MAP4K4: variants seen among roughly 807,000 people sequenced by gnomAD.
MAP4K4 encodes mitogen-activated protein kinase kinase kinase kinase 4.
A neutral mutation model predicts 189.6 loss-of-function variants in MAP4K4; 38 were observed. The ratio of observed to expected loss-of-function variants is 0.20; its 90% CI spans 0.15 to 0.26. The LOEUF (loss-of-function observed/expected upper bound fraction) is 0.26, where lower values mean the gene tolerates loss of function less well. Ranked by LOEUF, MAP4K4 falls within the 10% of genes least tolerant of loss-of-function variation. The pLI is 1.00. For missense variants in MAP4K4, 1,054 were observed against 1,726.9 expected (o/e 0.61, Z 6.91); for synonymous variants, 610 against 624.3 (o/e 0.98, Z 0.34).
chr2:101,771,174 T>G (rs1397060494), intron 2 of MAP4K4, among the ~76,000 whole-genome samples: 1 of 152,178 alleles, frequency 6.6e-6, no homozygotes, highest in East Asian at 1.9e-4. Flanking sequence ...GTCCTAAGGT[T>G]GGGGGATGGT....
At chr2:101,880,975 T>G (rs1291163426) in intron 27 of MAP4K4, among the ~76,000 whole-genome samples, 2 of 152,232 alleles carry the variant, frequency 1.3e-5, no homozygotes, top group East Asian at 3.9e-4. Flanking sequence ...GTGTTGGGTC[T>G]TTTGCCTCTA....
In MAP4K4 at chr2:101,848,835, C is replaced by T. The variant is rs139924316; in HGVS notation, c.1233+4524C>T. 9.1e-3 allele frequency among the ~76,000 whole-genome samples: 1,385 copies of T among 152,242 alleles called. 28 individuals are homozygous for T. Among genetic ancestry groups the T allele is most frequent in the African/African-American group, 0.032 (1,317 of 41,532 alleles). The stretch of plus-strand genomic sequence containing the variant: ...TGTGAACTGGATCTTCTTTGGAAGT[C>T]CTTGCAACTCTTTTGGAGTTTGTCT... On this transcript the variant is annotated intron_variant, in intron 12 of 32. Transcript: ENST00000324219.
rs898813949 is a variant in MAP4K4 at position 101,835,998 on chromosome 2, T to C, written c.773+20T>C. 5.1e-6 allele frequency: 8 copies of C among 1,572,322 alleles called. No individual in the cohort carries two copies. The highest frequency in any genetic ancestry group is 7.0e-6 in the Non-Finnish European group (8 of 1,143,104). ...AAAATGGTAAGCTATATATGGTTTTTTGTTGTTCTTTTCCCTTTTTTTTAA... is the reference window on the plus strand; with the variant it reads ...AAAATGGTAAGCTATATATGGTTTTCTGTTGTTCTTTTCCCTTTTTTTTAA... On this transcript the variant is annotated intron_variant, in intron 9 of 32. Coordinates refer to ENST00000324219, the Ensembl canonical transcript of MAP4K4.
At chr2:101,854,055 A>AG (rs1453039260) in intron 12 of MAP4K4, among the ~76,000 whole-genome samples, 13 of 152,208 alleles carry the variant, frequency 8.5e-5, no homozygotes, top group Non-Finnish European at 1.3e-4. Flanking sequence ...AAGCTGCTGG[A>AG]GGATGTGTTC....
At chr2:101,887,147 G>C in exon 30 of MAP4K4, 1 of 1,608,466 alleles carries the variant, frequency 6.2e-7, no homozygotes, top group Non-Finnish European at 8.5e-7. Flanking sequence ...AGGAAGGCCA[G>C]AGGTTGAAAG....
At chr2:101,870,648 C>G (rs1577125272) in intron 23 of MAP4K4, 2 of 510,004 alleles carry the variant, frequency 3.9e-6, no homozygotes, top group Non-Finnish European at 3.5e-6. Flanking sequence ...TCTGCGGCAG[C>G]CCTCATTCAA....
rs2098043912 is a variant in MAP4K4, at chr2:101,872,037, A to G, written c.2952+352A>G. 2.6e-5 allele frequency among the ~76,000 whole-genome samples: 4 copies of G among 152,220 alleles called. No individual in the cohort carries two copies. The South Asian group carries it at 8.3e-4, about 31-fold the overall frequency. On this transcript the variant is annotated intron_variant, in intron 24 of 32. Transcript: ENST00000324219. ...TGAAATTCTTATAGTCATTTGTGGA[A>G]TCTGCCTTTTTCATTCTTTTTATCC...
At chr2:101,730,423 T>G in intron 2 of MAP4K4, among the ~76,000 whole-genome samples, 1 of 152,136 alleles carries the variant, frequency 6.6e-6, no homozygotes. Context: ...TCAGATCATA[T>G]GTTGGTTATA....
intron 13 of MAP4K4, among the ~76,000 whole-genome samples, chr2:101,858,122 CA>C (rs762362753): frequency 1.3e-5 from 2 of 152,128 alleles, no homozygotes; most frequent in Non-Finnish European, 2.9e-5. Flanking sequence ...TTTGGATGCT[CA>C]TTTCTCAAAT....
At chr2:101,706,871 T>C (rs916863817) in intron 2 of MAP4K4, among the ~76,000 whole-genome samples, 2 of 152,236 alleles carry the variant, frequency 1.3e-5, no homozygotes, top group African/African-American at 4.8e-5. Flanking sequence ...AAATCCCTTT[T>C]TCTTATCACT....
At chr2:101,706,126 A>G (rs2042186507) in intron 2 of MAP4K4, among the ~76,000 whole-genome samples, 1 of 152,230 alleles carries the variant, frequency 6.6e-6, no homozygotes, top group South Asian at 2.1e-4. Flanking sequence ...ACCAAAAGTC[A>G]GAGTCATCCT....
chr2:101,882,973 C>G (rs571364130), intron 28 of MAP4K4, among the ~76,000 whole-genome samples: 4 of 152,310 alleles, frequency 2.6e-5, no homozygotes, highest in East Asian at 3.9e-4. Context: ...AGAGTCTTTC[C>G]ACTCCTCCTC....
intron 2 of MAP4K4, among the ~76,000 whole-genome samples, chr2:101,751,093 C>G (rs1298633558): frequency 6.6e-6 from 1 of 152,164 alleles, no homozygotes; most frequent in African/African-American, 2.4e-5. Context: ...TTCCATCCCT[C>G]TGTTGGTGTG....
chr2:101,797,136 G>C (rs933465755), intron 3 of MAP4K4: 1 of 942,550 alleles, frequency 1.1e-6, no homozygotes, highest in Non-Finnish European at 1.4e-6. Flanking sequence ...CATTTGGAGG[G>C]GAGCACAATG....
chr2:101,765,970 TA>T (rs1190555966), intron 2 of MAP4K4, among the ~76,000 whole-genome samples: 16 of 152,060 alleles, frequency 1.1e-4, no homozygotes, highest in Non-Finnish European at 2.4e-4. Context: ...TAAAAAAAAT[TA>T]AAAAAATTAA....
intron 24 of MAP4K4, among the ~76,000 whole-genome samples, chr2:101,873,374 C>G (rs1265197029): frequency 6.6e-6 from 1 of 151,994 alleles, no homozygotes; most frequent in Non-Finnish European, 1.5e-5. Flanking sequence ...CACATGAAGT[C>G]TAGATTTCAT....
At chr2:101,810,234 T>C (rs1352549276) in intron 3 of MAP4K4, among the ~76,000 whole-genome samples, 4 of 152,226 alleles carry the variant, frequency 2.6e-5, no homozygotes, top group Non-Finnish European at 5.9e-5. Flanking sequence ...GATACATTCC[T>C]CAGCATCTCC....
At chr2:101,781,714 T>C (rs1028388760) in intron 2 of MAP4K4, among the ~76,000 whole-genome samples, 9 of 152,312 alleles carry the variant, frequency 5.9e-5, no homozygotes, top group African/African-American at 1.9e-4. Context: ...ACGTGAACTT[T>C]GGGGACATTC....
At chr2:101,736,401 T>C (rs1402752224) in intron 2 of MAP4K4, among the ~76,000 whole-genome samples, 2 of 152,214 alleles carry the variant, frequency 1.3e-5, no homozygotes, top group Non-Finnish European at 2.9e-5. Context: ...TGTATGCCTC[T>C]CTCTGCCTTA....
Sources: allele counts gnomAD v4.1 joint callset (sites outside exome capture counted in the v4.1 genomes callset), GRCh38; gene constraint gnomAD v4.1.1; transcripts MANE v1.5; gene names NCBI Gene and HGNC (gene_info 2026-07-23, HGNC 2026-07-21).